The following CDC42BPA variants were observed in gnomAD, a reference collection of about 807,000 sequenced individuals.
CDC42BPA encodes the protein serine/threonine-protein kinase MRCK alpha.
In CDC42BPA, 80 loss-of-function variants were observed where a neutral mutation model predicts 223.5. That is an observed-to-expected ratio of 0.36 (90% CI 0.30 to 0.43). CDC42BPA has a LOEUF of 0.43. Ranked by LOEUF, CDC42BPA falls within the 20% of genes least tolerant of loss-of-function variation. The pLI is 1.00. For missense variants in CDC42BPA, 1,743 were observed against 2,099.9 expected, an observed-to-expected ratio of 0.83 and a Z score of 3.32; for synonymous variants, 694 against 718.6, an observed-to-expected ratio of 0.97 and a Z score of 0.55.
At chr1:227,222,943 C>G (rs942081636) in intron 2 of CDC42BPA, among the ~76,000 whole-genome samples, 1 of 152,130 alleles carries the variant, frequency 6.6e-6, no homozygotes, top group African/African-American at 2.4e-5. Context: ...TTCCTGCCCC[C>G]CAAATTCTCA....
chr1:227,231,472 A>T (rs1044116491), intron 2 of CDC42BPA, among the ~76,000 whole-genome samples: 1 of 152,136 alleles, frequency 6.6e-6, no homozygotes, highest in African/African-American at 2.4e-5. Context: ...TAGCAGCATG[A>T]TTTATAATCC....
chr1:227,124,256 A>C (rs1032897273), intron 11 of CDC42BPA, among the ~76,000 whole-genome samples: 3 of 152,114 alleles, frequency 2.0e-5, no homozygotes, highest in Admixed American at 2.0e-4. Context: ...TTTTTCCAGA[A>C]ACTTAAAAAT....
intron 8 of CDC42BPA, 152 bp downstream of exon 8, chr1:227,145,337 G>A (rs916775610): frequency 3.1e-5 from 17 of 548,346 alleles, no homozygotes; most frequent in Non-Finnish European, 1.2e-5. Context: ...AATTTGATTT[G>A]TGACAGAATA....
intron 5 of CDC42BPA, among the ~76,000 whole-genome samples, chr1:227,173,814 TG>T (rs1275329777): frequency 1.3e-5 from 2 of 152,306 alleles, no homozygotes; most frequent in East Asian, 3.9e-4. Flanking sequence ...AAAATACAAC[TG>T]TTAAGTATAA....
intron 2 of CDC42BPA, among the ~76,000 whole-genome samples, chr1:227,247,254 T>G (rs913211266): frequency 2.7e-5 from 4 of 148,820 alleles, no homozygotes; most frequent in African/African-American, 1.0e-4. Context: ...TCCCAGCACT[T>G]TGGGAGGCCA....
chr1:227,146,096 GATTAACTAATA>G (rs1660657878), intron 7 of CDC42BPA, among the ~76,000 whole-genome samples: 1 of 152,002 alleles, frequency 6.6e-6, no homozygotes, highest in African/African-American at 2.4e-5. Context: ...ACATACTAAT[GATTAACTAATA>G]ATAAATATTT....
intron 2 of CDC42BPA, among the ~76,000 whole-genome samples, chr1:227,220,119 A>C (rs1315675387): frequency 6.6e-6 from 1 of 151,466 alleles, no homozygotes. Context: ...GCTGCCACCA[A>C]CTCCCCAGCC....
intron 10 of CDC42BPA, among the ~76,000 whole-genome samples, chr1:227,133,868 T>G (rs1318622848): frequency 6.6e-6 from 1 of 151,918 alleles, no homozygotes; most frequent in Non-Finnish European, 1.5e-5. Context: ...CCAGAGACCT[T>G]TGTTCACTTG....
chr1:227,127,146 AT>A (rs1447941783), intron 11 of CDC42BPA, among the ~76,000 whole-genome samples: 2 of 152,212 alleles, frequency 1.3e-5, no homozygotes, highest in African/African-American at 4.8e-5. Flanking sequence ...GAACAATAAA[AT>A]TAAAAATACG....
chr1:227,237,147 G>A (rs1679200474), intron 2 of CDC42BPA, among the ~76,000 whole-genome samples: 1 of 150,920 alleles, frequency 6.6e-6, no homozygotes, highest in African/African-American at 2.4e-5. Flanking sequence ...AAAATGACTT[G>A]GGCAATGGTC....
Position 227,193,723 on chromosome 1 carries a change from AG to A in CDC42BPA, c.599+62del, listed in dbSNP as rs1431227004. ...ATAATTAATAAATCTGGCAAGAAAT[AG>A]GCCTCTGTTGCTAGATATTACATGG... On this transcript the variant is annotated intron_variant, in intron 5 of 36. Coordinates refer to ENST00000366766, the MANE Select transcript of CDC42BPA (RefSeq NM_001394014.1). The A allele has an allele frequency of 2.4e-6, 3 of 1,224,662 alleles. No individual in the cohort carries two copies. In the African/African-American group the frequency reaches 4.6e-5, roughly 19 times the overall value. The allele number at this position is 1,224,662 out of a possible 1,614,324, so 75.9% of individuals were successfully genotyped here. A position where few individuals can be genotyped will look rare whatever the true frequency, so the allele number is the denominator to read the frequency against.
At chr1:227,172,861 C>G (rs1206117728) in intron 5 of CDC42BPA, among the ~76,000 whole-genome samples, 1 of 152,146 alleles carries the variant, frequency 6.6e-6, no homozygotes, top group African/African-American at 2.4e-5. Context: ...CTCTCTTTAA[C>G]AAATACTTGT....
chr1:227,018,222 G>T (rs938102252), intron 32 of CDC42BPA, among the ~76,000 whole-genome samples: 2 of 151,886 alleles, frequency 1.3e-5, no homozygotes, highest in Non-Finnish European at 2.9e-5. Flanking sequence ...CCAAAGAACA[G>T]AATTTTTGAA....
At chr1:227,034,183 T>C (rs1474698060) in intron 26 of CDC42BPA, among the ~76,000 whole-genome samples, 1 of 152,104 alleles carries the variant, frequency 6.6e-6, no homozygotes, top group Non-Finnish European at 1.5e-5. Flanking sequence ...TGCCTGGAGT[T>C]AGGAGAAAAG....
intron 3 of CDC42BPA, among the ~76,000 whole-genome samples, chr1:227,211,106 G>C (rs1199095656): frequency 6.6e-6 from 1 of 152,078 alleles, no homozygotes; most frequent in East Asian, 1.9e-4. Context: ...TTTACTCCTT[G>C]AGAAATCCAA....
At chr1:227,302,753 T>C (rs1691865799) in intron 1 of CDC42BPA, among the ~76,000 whole-genome samples, 1 of 152,166 alleles carries the variant, frequency 6.6e-6, no homozygotes. Flanking sequence ...TTCATCAGAT[T>C]ATTATTCAGG....
At chr1:227,080,797 G>A in intron 17 of CDC42BPA, 96 bp downstream of exon 17, 2 of 1,333,746 alleles carry the variant, frequency 1.5e-6, no homozygotes, top group Non-Finnish European at 2.1e-6. Flanking sequence ...TCTGACAAAT[G>A]AGATAAAAAC....
At chr1:227,193,231 G>A (rs1230995182) in intron 5 of CDC42BPA, among the ~76,000 whole-genome samples, 3 of 77,664 alleles carry the variant, frequency 3.9e-5, no homozygotes, top group South Asian at 1.0e-3. Context: ...CACCACGCCC[G>A]GCTAATTTTT....
At chr1:227,016,266 A>G in intron 33 of CDC42BPA, 69 bp from the exon 34 acceptor site, 1 of 838,020 alleles carries the variant, frequency 1.2e-6, no homozygotes, top group Non-Finnish European at 2.0e-6. Context: ...AAAAAAATTA[A>G]GCTTAATTTT....
Sources: allele counts gnomAD v4.1 joint callset (sites outside exome capture counted in the v4.1 genomes callset), GRCh38; gene constraint gnomAD v4.1.1; transcripts MANE v1.5; gene names NCBI Gene and HGNC (gene_info 2026-07-23, HGNC 2026-07-21).